Variants in PKHD1 observed in about 807,000 individuals in gnomAD.
The protein encoded by PKHD1 is PKHD1 ciliary IPT domain containing fibrocystin/polyductin, also known as fibrocystin.
In PKHD1, 291 loss-of-function variants were observed where a neutral mutation model predicts 412.0. The observed-to-expected ratio is 0.71, with a 90% confidence interval of 0.64 to 0.78. The LOEUF (loss-of-function observed/expected upper bound fraction) is 0.78. Among genes scored for constraint, PKHD1 ranks in the 30% least tolerant of loss-of-function variants. The pLI is 0.00. For synonymous variants in PKHD1, 1,777 were observed against 1,821.5 expected, an observed-to-expected ratio of 0.98 and a Z score of 0.62; for missense variants, 4,825 against 4,950.7, an observed-to-expected ratio of 0.97 and a Z score of 0.76.
At chr6:51,885,822 A>C (rs1161249185) in intron 45 of PKHD1, 45 bp downstream of exon 45, 2 of 1,244,200 alleles carry the variant, frequency 1.6e-6, no homozygotes, top group Admixed American at 3.6e-5. Context: ...TGACAGTTTT[A>C]ATTTTAAAAA....
chr6:51,968,704 G>A (rs1396703441), intron 35 of PKHD1, among the ~76,000 whole-genome samples: 3 of 152,120 alleles, frequency 2.0e-5, no homozygotes, highest in Non-Finnish European at 4.4e-5. Flanking sequence ...AAGTCTCCAG[G>A]AACAGACATG....
intron 60 of PKHD1, among the ~76,000 whole-genome samples, chr6:51,743,991 G>A (rs1035104524): frequency 4.6e-5 from 7 of 152,162 alleles, no homozygotes; most frequent in Non-Finnish European, 5.9e-5. Context: ...AGCGCTTTAA[G>A]TCCTGACAGA....
At chr6:51,632,480 G>T (rs546410034) in intron 65 of PKHD1, 85 bp downstream of exon 65, 7 of 1,183,418 alleles carry the variant, frequency 5.9e-6, no homozygotes, top group Non-Finnish European at 7.2e-6. Flanking sequence ...TGTCTTTGGG[G>T]AAAGAAACAG....
At chr6:52,009,906 C>G (rs2128116018) in intron 35 of PKHD1, among the ~76,000 whole-genome samples, 1 of 152,088 alleles carries the variant, frequency 6.6e-6, no homozygotes, top group Non-Finnish European at 1.5e-5. Flanking sequence ...AATGGACCTG[C>G]AGACATTGCT....
chr6:52,056,782 T>A lies in PKHD1; in HGVS notation c.1609A>T (p.Thr537Ser). The change falls in exon 18 of 67, where the codon ACA (threonine) becomes TCA (serine). Residue 537 changes from threonine (T) to serine (S), a missense_variant. Coordinates refer to ENST00000371117, the MANE Select transcript of PKHD1 (RefSeq NM_138694.4). ...PANATAHLIQ[T>S]TIEELLAVKC... ...ACTGCAAGTAACTCCTCAATGGTTG[T>A]TTGAATCTATTACAAAGGAAAAAAA... 6.2e-7 allele frequency: 1 copy of A among 1,611,986 alleles called. No individual in the cohort carries two copies. The highest frequency in any genetic ancestry group is 8.5e-7 in the Non-Finnish European group (1 of 1,178,050).
intron 37 of PKHD1, among the ~76,000 whole-genome samples, chr6:51,918,548 T>C (rs982003466): frequency 1.3e-5 from 2 of 152,224 alleles, no homozygotes; most frequent in South Asian, 2.1e-4. Context: ...GGCTGCATAG[T>C]ATTCCACAGT....
At chr6:51,699,108 AT>A (rs1321376660) in intron 60 of PKHD1, among the ~76,000 whole-genome samples, 2 of 152,068 alleles carry the variant, frequency 1.3e-5, no homozygotes, top group East Asian at 3.9e-4. Context: ...TCATATGGTA[AT>A]TTTTTTCTTT....
At chr6:52,076,934 G>C (rs1811403504) in intron 5 of PKHD1, among the ~76,000 whole-genome samples, 1 of 152,188 alleles carries the variant, frequency 6.6e-6, no homozygotes, top group African/African-American at 2.4e-5. Flanking sequence ...GGAATGGGAA[G>C]CAACATTGTT....
chr6:51,819,510 C>T (rs978704885), intron 52 of PKHD1, among the ~76,000 whole-genome samples: 1 of 152,082 alleles, frequency 6.6e-6, no homozygotes, highest in African/African-American at 2.4e-5. Context: ...CCAGGTCTTA[C>T]AGTATATGCT....
intron 27 of PKHD1, among the ~76,000 whole-genome samples, chr6:52,037,022 T>G (rs1804064810): frequency 6.6e-6 from 1 of 152,174 alleles, no homozygotes; most frequent in Admixed American, 6.5e-5. Context: ...TTCTGCCATA[T>G]CTTATACAGT....
chr6:52,062,640 C>T lies in PKHD1; in HGVS notation c.997G>A (p.Glu333Lys). 1 of 1,614,108 alleles carries T rather than the reference C, an allele frequency of 6.2e-7. No homozygotes were observed. ...PQPGNRGLLF[E>K]VGDAVEGLEL... ...AGTCCCTCAACAGCATCTCCAACTT[C>T]AAAAAGAAGCCCTCGATTGCCTGTA... The change falls in exon 14 of 67, where the codon GAA (glutamate) becomes AAA (lysine). Residue 333 changes from glutamate (E) to lysine (K), a missense_variant. By Grantham distance (56) the Glu-to-Lys change is moderately conservative (BLOSUM62 1). Transcript: ENST00000371117.
intron 52 of PKHD1, among the ~76,000 whole-genome samples, chr6:51,824,116 T>G (rs1233275424): frequency 6.6e-6 from 1 of 152,098 alleles, no homozygotes; most frequent in Admixed American, 6.6e-5. Context: ...AAACACATTA[T>G]TATTTAGATT....
chr6:51,926,498 A>C (rs550280125), intron 37 of PKHD1, among the ~76,000 whole-genome samples: 1 of 152,312 alleles, frequency 6.6e-6, no homozygotes, highest in East Asian at 1.9e-4. Context: ...TAGAAACTTG[A>C]AGTACCTTAC....
chr6:51,936,227 T>A (rs375788172), intron 36 of PKHD1, among the ~76,000 whole-genome samples: 13 of 152,310 alleles, frequency 8.5e-5, no homozygotes, highest in African/African-American at 2.9e-4. Flanking sequence ...CTCTATTTCC[T>A]TATATACAAA....
chr6:51,907,239 G>C (rs1782243851), intron 40 of PKHD1, among the ~76,000 whole-genome samples: 1 of 152,054 alleles, frequency 6.6e-6, no homozygotes, highest in Admixed American at 6.6e-5. Flanking sequence ...CCAAGTGCTG[G>C]GATATTAGAA....
At chr6:52,085,120 G>A (rs1812573665) in intron 1 of PKHD1, 103 bp from the exon 2 acceptor site, 4 of 572,650 alleles carry the variant, frequency 7.0e-6, no homozygotes, top group Non-Finnish European at 1.3e-5. Context: ...GATAAACATG[G>A]CCTTAGTGTC....
At chr6:51,949,515 T>C (rs924905032) in intron 36 of PKHD1, among the ~76,000 whole-genome samples, 2 of 152,244 alleles carry the variant, frequency 1.3e-5, no homozygotes, top group African/African-American at 2.4e-5. Flanking sequence ...GAAACCTGCA[T>C]TGTGACACGG....
chr6:52,054,643 G>T (rs777088518), intron 19 of PKHD1, among the ~76,000 whole-genome samples: 4 of 152,138 alleles, frequency 2.6e-5, no homozygotes, highest in African/African-American at 9.7e-5. Flanking sequence ...TTTCAGCCTC[G>T]GCACTATCAA....
intron 35 of PKHD1, among the ~76,000 whole-genome samples, chr6:51,966,462 G>C (rs1792828390): frequency 6.6e-6 from 1 of 152,152 alleles, no homozygotes; most frequent in South Asian, 2.1e-4. Flanking sequence ...GCAGTTCCCA[G>C]CTTGACTTTT....
Sources: gnomAD v4.1 joint callset for allele counts (sites outside exome capture counted in the v4.1 genomes callset) on GRCh38, gnomAD v4.1.1 for gene constraint, MANE v1.5 for transcripts, NCBI Gene and HGNC (gene_info 2026-07-23, HGNC 2026-07-21) for gene names.